SWI5: variants seen among roughly 807,000 people sequenced by gnomAD.
SWI5 encodes the protein DNA repair protein SWI5 homolog.
A neutral mutation model predicts 17.0 loss-of-function variants in SWI5; 12 were observed. That is an observed-to-expected ratio of 0.71 (90% CI 0.45 to 1.14). SWI5 has a LOEUF of 1.14. Ranked by LOEUF, SWI5 falls within the 50% of genes most tolerant of loss-of-function variation. The probability of loss-of-function intolerance (pLI) is 0.00; values close to 1 mark genes in which losing one functional copy is unlikely to be tolerated. For missense variants in SWI5, 158 were observed against 162.2 expected, an observed-to-expected ratio of 0.97 and a Z score of 0.14; for synonymous variants, 61 against 64.0, an observed-to-expected ratio of 0.95 and a Z score of 0.22.
intron 2 of SWI5, among the ~76,000 whole-genome samples, chr9:128,284,094 G>A (rs988451787): frequency 1.3e-5 from 2 of 151,878 alleles, no homozygotes; most frequent in South Asian, 2.1e-4. Flanking sequence ...TCAGGAGTTC[G>A]AGACCAGCCT....
chr9:128,276,373 C>G, exon 1 of SWI5: 1 of 1,613,234 alleles, frequency 6.2e-7, no homozygotes, highest in Non-Finnish European at 8.5e-7. Context: ...ACCCCCTGAT[C>G]CGGGGGCCTC....
At chr9:128,279,069 C>T (rs1051559556) in intron 2 of SWI5, among the ~76,000 whole-genome samples, 9 of 152,164 alleles carry the variant, frequency 5.9e-5, no homozygotes, top group African/African-American at 1.9e-4. Flanking sequence ...CGTGCCTGGG[C>T]TTGAACTGAA....
chr9:128,275,556 G>T, upstream of SWI5: 1 of 1,229,768 alleles, frequency 8.1e-7, no homozygotes, highest in Non-Finnish European at 1.1e-6. Context: ...TCACTGGCGA[G>T]GGCAGGGGCT....
chr9:128,281,944 G>A (rs1564374100), intron 2 of SWI5, among the ~76,000 whole-genome samples: 1 of 152,234 alleles, frequency 6.6e-6, no homozygotes, highest in Non-Finnish European at 1.5e-5. Context: ...TTCGCTGAGT[G>A]TGATGGCACA....
Position 128,277,177 on chromosome 9 carries a change from G to A in SWI5, c.111+422G>A, listed in dbSNP as rs2240959. On this transcript the variant is annotated intron_variant, in intron 2 of 4. Transcript: ENST00000418976. ...TGCTAATAGTCTCTCCTCTTCGCTG[G>A]CAAGCCACCCCCAAAACGCAGCCTA... 3.9e-3 allele frequency among the ~76,000 whole-genome samples: 587 copies of A among 152,170 alleles called. 20 individuals carry two copies. In the East Asian group the frequency reaches 0.09, roughly 23 times the overall value.
At chr9:128,282,060 CAG>C (rs1160013895) in intron 2 of SWI5, among the ~76,000 whole-genome samples, 1 of 152,066 alleles carries the variant, frequency 6.6e-6, no homozygotes, top group East Asian at 1.9e-4. Context: ...GCATGGATGA[CAG>C]AGCGAGACAG....
chr9:128,278,549 G>A (rs1189094422), intron 2 of SWI5: 3 of 447,154 alleles, frequency 6.7e-6, no homozygotes, highest in African/African-American at 6.2e-5. Context: ...GGGCAACAGA[G>A]CGAAACTCCA....
intron 2 of SWI5, among the ~76,000 whole-genome samples, chr9:128,280,365 G>C (rs1208083529): frequency 1.3e-5 from 2 of 151,988 alleles, no homozygotes; most frequent in Non-Finnish European, 2.9e-5. Flanking sequence ...TGCCAAGTCT[G>C]AAATCACACT....
chr9:128,276,136 GGGCGTGGCTATGCAGC>G (rs1831350736), upstream of SWI5: 3 of 1,567,442 alleles, frequency 1.9e-6, no homozygotes, highest in South Asian at 1.2e-5. Context: ...AAGCGGAAGG[GGGCGTGGCTATGCAGC>G]GGCGTGGCCA....
chr9:128,283,448 A>G (rs1831577056), intron 2 of SWI5, among the ~76,000 whole-genome samples: 2 of 152,080 alleles, frequency 1.3e-5, no homozygotes. Context: ...AGTGAGCCAG[A>G]ATCATGCCAC....
chr9:128,288,679 A>G (rs767172316), exon 5 of SWI5: 4 of 1,614,106 alleles, frequency 2.5e-6, no homozygotes, highest in Non-Finnish European at 3.4e-6. Flanking sequence ...ACCACCAAAG[A>G]GTTGTATCCA....
intron 2 of SWI5, 148 bp from the exon 3 acceptor site, chr9:128,284,362 T>G: frequency 1.1e-6 from 1 of 870,224 alleles, no homozygotes; most frequent in Non-Finnish European, 1.7e-6. Flanking sequence ...CCACATCTAA[T>G]TCCAAGGAAG....
At chr9:128,280,337 A>T (rs2131417679) in intron 2 of SWI5, among the ~76,000 whole-genome samples, 1 of 152,078 alleles carries the variant, frequency 6.6e-6, no homozygotes, top group East Asian at 1.9e-4. Flanking sequence ...CTGCCTGCAG[A>T]ATCTTTGCCT....
In SWI5 at chr9:128,285,941, G is replaced by A. The variant is rs751173468; in HGVS notation, c.236G>A (p.Gly79Asp). Residue 79 changes from glycine to aspartate, a missense_variant and splice_region_variant, in exon 4 of 5, where the codon GGC becomes GAC. By Grantham distance (94) the Gly-to-Asp change is moderately conservative. Coordinates refer to ENST00000418976, the Ensembl canonical transcript of SWI5. The surrounding 1 kb of genome is among the most constrained non-coding windows in gnomAD (Gnocchi z 4.8). ...CCTCTCTCCATCGCTTATCCCAGAG[G>A]CTACAGTGTGGATGAACTGGAGGAC... 3 of 1,612,596 alleles carry A rather than the reference G, an allele frequency of 1.9e-6. No homozygotes were observed. Among genetic ancestry groups the A allele is most frequent in the African/African-American group, 1.3e-5 (1 of 74,880 alleles).
At chr9:128,275,601 G>A, upstream of SWI5, 2 of 896,964 alleles carry the variant, frequency 2.2e-6, no homozygotes, top group South Asian at 4.8e-5. Context: ...GGAGACGCCA[G>A]CCCAAAGAGC....
At chr9:128,281,802 C>T (rs1371719666) in intron 2 of SWI5, among the ~76,000 whole-genome samples, 1 of 152,182 alleles carries the variant, frequency 6.6e-6, no homozygotes, top group South Asian at 2.1e-4. Context: ...AGGCCAGGTG[C>T]GGTGGCTCAT....
chr9:128,281,716 G>A (rs1588504548), intron 2 of SWI5, among the ~76,000 whole-genome samples: 1 of 152,236 alleles, frequency 6.6e-6, no homozygotes, highest in East Asian at 1.9e-4. Flanking sequence ...CTTCAGTGAT[G>A]TAAAGCAATG....
chr9:128,276,129 C>A (rs771797663), upstream of SWI5: 3 of 1,563,530 alleles, frequency 1.9e-6, no homozygotes, highest in East Asian at 2.3e-5. Context: ...AAATATGAAG[C>A]GGAAGGGGGC....
chr9:128,276,636 A>G, intron 1 of SWI5, 71 bp from the exon 2 acceptor site: 1 of 1,613,388 alleles, frequency 6.2e-7, no homozygotes, highest in Non-Finnish European at 8.5e-7. Context: ...CTCCTCCCGC[A>G]TCCCCACAGT....
Sources: allele counts gnomAD v4.1 joint callset (sites outside exome capture counted in the v4.1 genomes callset), GRCh38; gene constraint gnomAD v4.1.1; non-coding constraint Gnocchi (gnomAD v3.1); transcripts MANE v1.5; gene names NCBI Gene and HGNC (gene_info 2026-07-23, HGNC 2026-07-21).